The following DNAJC1 variants were observed in gnomAD, a reference collection of about 807,000 sequenced individuals.
DNAJC1 encodes the protein DnaJ heat shock protein family (Hsp40) member C1.
In DNAJC1, 58 loss-of-function variants were observed where a neutral mutation model predicts 76.6. The ratio of observed to expected loss-of-function variants is 0.76; its 90% confidence interval spans 0.61 to 0.94. DNAJC1 has a LOEUF of 0.94. Among genes scored for constraint, DNAJC1 ranks in the 40% least tolerant of loss-of-function variants. The pLI is 0.00. For synonymous variants in DNAJC1, 258 were observed against 267.9 expected, an observed-to-expected ratio of 0.96 and a Z score of 0.36; for missense variants, 689 against 677.3, an observed-to-expected ratio of 1.02 and a Z score of -0.19.
intron 1 of DNAJC1, among the ~76,000 whole-genome samples, chr10:21,951,485 A>G (rs1357270061): frequency 1.3e-5 from 2 of 152,142 alleles, no homozygotes; most frequent in Admixed American, 1.3e-4. Context: ...CTGTTTCTAT[A>G]GCAAACAACA....
intron 6 of DNAJC1, among the ~76,000 whole-genome samples, chr10:21,914,062 T>C (rs1158200337): frequency 6.6e-6 from 1 of 152,174 alleles, no homozygotes; most frequent in Non-Finnish European, 1.5e-5. Context: ...CACCATATTC[T>C]TTTCCTGTAA....
chr10:21,789,661 A>G (rs1328313006), intron 9 of DNAJC1, among the ~76,000 whole-genome samples: 1 of 152,216 alleles, frequency 6.6e-6, no homozygotes, highest in African/African-American at 2.4e-5. Context: ...ACGGAGATAA[A>G]TATCATGAAA....
rs1156236357 is a variant in DNAJC1, at chr10:21,759,172, T to A, written c.1594A>T (p.Lys532Ter). 6.2e-7 allele frequency: 1 copy of A among 1,611,370 alleles called. No homozygotes were observed. Among genetic ancestry groups the A allele is most frequent in the Non-Finnish European group, 8.5e-7 (1 of 1,178,554 alleles). Residue 532 changes from lysine to a stop codon, truncating the protein, a stop_gained and splice_region_variant, in exon 11 of 12, where the codon AAG becomes TAG. Coordinates refer to ENST00000376980, the MANE Select transcript of DNAJC1 (RefSeq NM_022365.4). LOFTEE classifies it high-confidence loss of function. ...AGGCCTCTTTCCCCATCACTCACCTTGCTCTTGGACGGGACACATCTGGCT... is the reference window on the plus strand; with the variant it reads ...AGGCCTCTTTCCCCATCACTCACCTAGCTCTTGGACGGGACACATCTGGCT... ...KIARCVPSKS[K>*]EDCIARYKLL...
chr10:21,922,515 A>G (rs182697949), intron 3 of DNAJC1, among the ~76,000 whole-genome samples: 1 of 152,134 alleles, frequency 6.6e-6, no homozygotes, highest in East Asian at 1.9e-4. Flanking sequence ...CAGTAGCTAC[A>G]CCAGAAAAAT....
rs1838556432 is a variant in DNAJC1 at position 22,003,310 on chromosome 10, A to T, written c.125T>A (p.Val42Glu). The change falls in exon 1 of 12, where the codon GTG (valine) becomes GAG (glutamate). Residue 42 changes from valine to glutamate, a missense_variant. Transcript: ENST00000376980. ...GCTCTCCCAGCCGCGCGCCGGCGCCACGGCGGCCAGCAGCAGCAGCAGCAG... is the reference window on the plus strand; with the variant it reads ...GCTCTCCCAGCCGCGCGCCGGCGCCTCGGCGGCCAGCAGCAGCAGCAGCAG... Reference protein sequence around the residue: ...LWLLLLLLAAVAPARGWESGD... With the variant: ...LWLLLLLLAAEAPARGWESGD... 1.3e-6 allele frequency: 2 copies of T among 1,524,570 alleles called. No individual in the cohort carries two copies. Among genetic ancestry groups the T allele is most frequent in the Middle Eastern group, 1.8e-4 (1 of 5,640 alleles). 94.4% of individuals were successfully genotyped at this position (1,524,570 alleles called of 1,614,324 possible). A position where few individuals can be genotyped will look rare whatever the true frequency, so the allele number is the denominator to read the frequency against.
At chr10:21,970,016 G>A (rs1305909879) in intron 1 of DNAJC1, among the ~76,000 whole-genome samples, 1 of 152,052 alleles carries the variant, frequency 6.6e-6, no homozygotes, top group African/African-American at 2.4e-5. Context: ...CATATAGTTT[G>A]TAAGACTGAG....
chr10:21,789,245 G>A lies in DNAJC1; in HGVS notation c.1098+16735C>T, dbSNP rs926912587. Among the ~76,000 whole-genome samples the A allele has an allele frequency of 4.6e-5, 7 of 152,288 alleles. No individual in the cohort carries two copies. The East Asian group carries it at 1.2e-3, about 25-fold the overall frequency. On this transcript the variant is annotated intron_variant, in intron 9 of 11. Coordinates refer to ENST00000376980, the MANE Select transcript of DNAJC1 (RefSeq NM_022365.4). ...GAATGTCTACAACCTAGGCCACTGA[G>A]GCAGTCACATTTATTACTAATGTTG...
chr10:21,845,081 C>T (rs1053843224), intron 8 of DNAJC1, among the ~76,000 whole-genome samples: 20 of 152,204 alleles, frequency 1.3e-4, no homozygotes, highest in Non-Finnish European at 2.2e-4. Flanking sequence ...AATTTCCCTA[C>T]GGTGGAGAGA....
chr10:21,805,885 C>T, intron 9 of DNAJC1, 95 bp downstream of exon 9: 2 of 1,523,586 alleles, frequency 1.3e-6, no homozygotes, highest in Non-Finnish European at 9.0e-7. Flanking sequence ...TATCCCCTCC[C>T]CAAAGATACT....
chr10:21,957,810 ATTTT>A (rs935037445), intron 1 of DNAJC1, among the ~76,000 whole-genome samples: 2 of 152,142 alleles, frequency 1.3e-5, no homozygotes, highest in African/African-American at 4.8e-5. Context: ...ACTTCTCAAT[ATTTT>A]TTTAAAAATG....
chr10:21,849,538 G>A (rs555712513), intron 8 of DNAJC1, among the ~76,000 whole-genome samples: 16 of 151,958 alleles, frequency 1.1e-4, no homozygotes, highest in African/African-American at 3.4e-4. Context: ...AAAAAAAGAG[G>A]GGAGATGCAA....
At chr10:21,835,159 T>C (rs763363407) in intron 8 of DNAJC1, among the ~76,000 whole-genome samples, 3 of 152,142 alleles carry the variant, frequency 2.0e-5, no homozygotes, top group Non-Finnish European at 4.4e-5. Flanking sequence ...CAGCAGCGTC[T>C]GGGGTTCACC....
In DNAJC1 at chr10:21,759,295, G is replaced by C; in HGVS notation, c.1471C>G (p.Arg491Gly). 1 of 1,614,214 alleles carries C rather than the reference G, an allele frequency of 6.2e-7. No individual in the cohort carries two copies. Among genetic ancestry groups the C allele is most frequent in the Non-Finnish European group, 8.5e-7 (1 of 1,180,038 alleles). Residue 491 changes from arginine to glycine, a missense_variant, in exon 11 of 12, where the codon CGG becomes GGG. Arg to Gly is a moderately radical substitution (Grantham distance 125). Coordinates refer to ENST00000376980, the MANE Select transcript of DNAJC1 (RefSeq NM_022365.4). ...DEESLRKERA[R>G]SAEEPWTQNQ... is the part of the protein sequence containing the mutation. ...TGAGTCCACGGCTCCTCTGCAGACC[G>C]AGCTCTCTCTTTTCTCAGGCTCTCC...
intron 8 of DNAJC1, among the ~76,000 whole-genome samples, chr10:21,839,835 C>A (rs551448350): frequency 5.3e-5 from 8 of 152,270 alleles, no homozygotes; most frequent in African/African-American, 9.6e-5. Context: ...TGATGAACAT[C>A]GATGCAAAAA....
chr10:21,971,063 G>C (rs1413368620), intron 1 of DNAJC1, among the ~76,000 whole-genome samples: 3 of 151,110 alleles, frequency 2.0e-5, no homozygotes, highest in Non-Finnish European at 3.0e-5. Flanking sequence ...TTTTTTTTTG[G>C]TTTCTAAACT....
chr10:21,831,802 A>C (rs946403492), intron 8 of DNAJC1, among the ~76,000 whole-genome samples: 1 of 151,764 alleles, frequency 6.6e-6, no homozygotes, highest in Non-Finnish European at 1.5e-5. Flanking sequence ...AAAAAAAAAA[A>C]AAAAAATGCT....
intron 8 of DNAJC1, among the ~76,000 whole-genome samples, chr10:21,810,306 T>A (rs978109894): frequency 3.3e-5 from 5 of 152,194 alleles, no homozygotes; most frequent in Admixed American, 1.3e-4. Context: ...TGAATTAACA[T>A]CTACTGAAAT....
chr10:21,820,024 C>T (rs1251713930), intron 8 of DNAJC1, among the ~76,000 whole-genome samples: 1 of 152,208 alleles, frequency 6.6e-6, no homozygotes, highest in Non-Finnish European at 1.5e-5. Context: ...TTCATAAAGT[C>T]ATGCACAATT....
At chr10:21,804,589 A>G (rs1311204259) in intron 9 of DNAJC1, among the ~76,000 whole-genome samples, 3 of 151,678 alleles carry the variant, frequency 2.0e-5, no homozygotes, top group Non-Finnish European at 2.9e-5. Context: ...TAACATGTTT[A>G]GCTGAAGAAA....
Sources: allele counts gnomAD v4.1 joint callset (sites outside exome capture counted in the v4.1 genomes callset), GRCh38; gene constraint gnomAD v4.1.1; transcripts MANE v1.5; gene names NCBI Gene and HGNC (gene_info 2026-07-23, HGNC 2026-07-21).